The following PDZD2 variants were observed in gnomAD, a reference collection of about 807,000 sequenced individuals.
PDZD2 encodes the protein PDZ domain-containing protein 2.
In PDZD2, 90 loss-of-function variants were observed where a neutral mutation model predicts 220.7. The observed-to-expected ratio is 0.41, with a 90% CI of 0.34 to 0.49. PDZD2 has a LOEUF of 0.49. Among genes scored for constraint, PDZD2 ranks in the 20% least tolerant of loss-of-function variants. The pLI, the probability that PDZD2 is intolerant of heterozygous loss-of-function variation, is 0.28. For synonymous variants in PDZD2, 1,375 were observed against 1,450.5 expected, an observed-to-expected ratio of 0.95 and a Z score of 1.18; for missense variants, 3,174 against 3,608.5, an observed-to-expected ratio of 0.88 and a Z score of 3.08.
At chr5:31,676,639 C>T (rs763656263) in intron 1 of PDZD2, among the ~76,000 whole-genome samples, 8 of 150,996 alleles carry the variant, frequency 5.3e-5, no homozygotes, top group South Asian at 4.2e-4. Context: ...CTGTAACCTC[C>T]GCCTCCTGGG....
rs1561277778 is a variant in PDZD2 at position 31,989,420 on chromosome 5, T to TTTTTTTTTTTTTTTTTTTTTTTTTATTTA, written c.978+5764_978+5765insTTTTTTTTTTTTTTTTTTTTTTTTATTTA. On this transcript the variant is annotated intron_variant, in intron 3 of 24. Transcript: ENST00000438447. ...CTGTGGTATATACCACATTTTCTTT[T>TTTTTTTTTTTTTTTTTTTTTTTTTATTTA]CTTTTTTTTTTTTTTTTTTTGAGAC... 2.7e-4 allele frequency among the ~76,000 whole-genome samples: 37 copies of TTTTTTTTTTTTTTTTTTTTTTTTTATTTA among 136,800 alleles called. 1 individual carries two copies. The highest frequency in any genetic ancestry group is 2.4e-3 in the South Asian group (9 of 3,764). 89.7% of individuals were successfully genotyped at this position (136,800 alleles called of 152,430 possible).
chr5:31,777,325 T>G (rs1182280345), intron 1 of PDZD2, among the ~76,000 whole-genome samples: 1 of 152,188 alleles, frequency 6.6e-6, no homozygotes, highest in African/African-American at 2.4e-5. Context: ...TCGCCAGGCC[T>G]CAGCCGCCTC....
At chr5:32,020,272 G>T (rs1003873317) in intron 6 of PDZD2, among the ~76,000 whole-genome samples, 1 of 151,968 alleles carries the variant, frequency 6.6e-6, no homozygotes, top group African/African-American at 2.4e-5. Flanking sequence ...CAAAGTGCTG[G>T]GATTACAGGC....
Position 31,646,418 on chromosome 5 carries a change from C to T in PDZD2, c.-361+6981C>T, listed in dbSNP as rs1333501673. Among the ~76,000 whole-genome samples the T allele has an allele frequency of 2.0e-5, 3 of 152,142 alleles. No individual in the cohort carries two copies. The highest frequency in any genetic ancestry group is 4.8e-5 in the African/African-American group (2 of 41,436). On this transcript the variant is annotated intron_variant, in intron 1 of 24. Coordinates refer to ENST00000438447, the MANE Select transcript of PDZD2 (RefSeq NM_178140.4). The surrounding 1 kb of genome is among the most constrained non-coding windows in gnomAD (Gnocchi z 4.7). ...CATGAACACTAAGTAGCTCCTGACA[C>T]TGCTTATGTTTGCTTGCAGGTGATC... is the stretch of plus-strand genomic sequence containing the variant.
chr5:31,868,767 G>C (rs996733908), intron 2 of PDZD2, among the ~76,000 whole-genome samples: 6 of 152,048 alleles, frequency 3.9e-5, no homozygotes, highest in Non-Finnish European at 8.8e-5. Context: ...TTGCGTTAAA[G>C]GTGAGTTTTT....
At chr5:32,059,027 G>T (rs999260036) in intron 12 of PDZD2, among the ~76,000 whole-genome samples, 2 of 152,198 alleles carry the variant, frequency 1.3e-5, no homozygotes, top group African/African-American at 4.8e-5. Context: ...AATTCAGTCC[G>T]TAACTAGCTC....
intron 20 of PDZD2, among the ~76,000 whole-genome samples, chr5:32,092,104 T>TTA (rs1743211083): frequency 3.3e-5 from 5 of 151,654 alleles, no homozygotes; most frequent in African/African-American, 7.3e-5. Flanking sequence ...TGAAACCCCA[T>TTA]CTCTACTAAA....
At chr5:31,650,635 C>T (rs796493999) in intron 1 of PDZD2, among the ~76,000 whole-genome samples, 6 of 152,288 alleles carry the variant, frequency 3.9e-5, no homozygotes, top group African/African-American at 1.4e-4. Flanking sequence ...GAGTTTCAGG[C>T]TCAAGACTTT....
At position 31,953,660 on chromosome 5, in the gene PDZD2, A is replaced by AAATT. The variant is rs59213187; in HGVS notation, c.477-29495_477-29494insAATT. ...CAAGACCCTGTCTCTTAAAAAAAAAATTTTTTTTTTTTTTTGAGACAGTCT... is the reference window on the plus strand; with the variant it reads ...CAAGACCCTGTCTCTTAAAAAAAAAAAATTTTTTTTTTTTTTTTTGAGACAGTCT... On this transcript the variant is annotated intron_variant, in intron 2 of 24. Transcript: ENST00000438447. 6.2e-3 allele frequency among the ~76,000 whole-genome samples: 854 copies of AAATT among 138,582 alleles called. 6 individuals carry two copies. Among genetic ancestry groups the AAATT allele is most frequent in the Non-Finnish European group, 8.1e-3 (528 of 64,786 alleles). 90.9% of individuals were successfully genotyped at this position (138,582 alleles called of 152,430 possible).
intron 6 of PDZD2, among the ~76,000 whole-genome samples, chr5:32,027,269 A>G (rs1371571749): frequency 6.6e-6 from 1 of 152,216 alleles, no homozygotes; most frequent in Non-Finnish European, 1.5e-5. Context: ...AACATGACAC[A>G]TACAAACCCA....
intron 2 of PDZD2, chr5:31,822,448 G>GTTT (rs58922873): frequency 4.0e-4 from 133 of 336,224 alleles, no homozygotes; most frequent in African/African-American, 2.4e-3. Flanking sequence ...TTTTTTTATA[G>GTTT]TTTTTTTTTT....
At chr5:31,822,881 G>T in intron 2 of PDZD2, 1 of 802,830 alleles carries the variant, frequency 1.2e-6, no homozygotes, top group Non-Finnish European at 2.1e-6. Flanking sequence ...CGGAAGCCCA[G>T]TGTGACACCC....
intron 5 of PDZD2, among the ~76,000 whole-genome samples, chr5:32,008,016 G>A (rs555510384): frequency 3.3e-5 from 5 of 152,220 alleles, no homozygotes; most frequent in Admixed American, 1.3e-4. Context: ...TGGGCCGGGC[G>A]CGGTCCCTCA....
chr5:31,959,261 A>ATG (rs1748001898), intron 2 of PDZD2, among the ~76,000 whole-genome samples: 1 of 138,522 alleles, frequency 7.2e-6, no homozygotes, highest in African/African-American at 2.5e-5. Flanking sequence ...TTATATATAT[A>ATG]TATAAAATAA....
intron 1 of PDZD2, among the ~76,000 whole-genome samples, chr5:31,769,906 G>GT (rs1404578106): frequency 4.6e-5 from 7 of 152,154 alleles, no homozygotes; most frequent in South Asian, 4.1e-4. Context: ...GTTTTGTTTT[G>GT]TTTTTTTCTT....
At chr5:31,828,350 C>T (rs1022087560) in intron 2 of PDZD2, among the ~76,000 whole-genome samples, 1 of 152,224 alleles carries the variant, frequency 6.6e-6, no homozygotes, top group Non-Finnish European at 1.5e-5. Flanking sequence ...CACTTGTGAC[C>T]TGTCTTTATG....
rs70957998 is a variant in PDZD2, at chr5:32,025,591, C to CTTTTTTTTTTTTTTTTTTTTTTT, written c.1408-11634_1408-11612dup. 6.5e-4 allele frequency among the ~76,000 whole-genome samples: 44 copies of CTTTTTTTTTTTTTTTTTTTTTTT among 67,522 alleles called. 5 individuals are homozygous for CTTTTTTTTTTTTTTTTTTTTTTT. The highest frequency in any genetic ancestry group is 8.5e-4 in the African/African-American group (13 of 15,244). 44.3% of individuals were successfully genotyped at this position (67,522 alleles called of 152,430 possible). A position where few individuals can be genotyped will look rare whatever the true frequency, so the allele number is the denominator to read the frequency against. On this transcript the variant is annotated intron_variant, in intron 6 of 24. Coordinates refer to ENST00000438447, the MANE Select transcript of PDZD2 (RefSeq NM_178140.4). The stretch of plus-strand genomic sequence containing the variant: ...AGTGAGCCCAAATGTAACCATGATG[C>CTTTTTTTTTTTTTTTTTTTTTTT]TTTTTTTTTTTTTTTTTTTTTTTTT...
chr5:31,810,738 C>A (rs1028541550), intron 2 of PDZD2, among the ~76,000 whole-genome samples: 28 of 152,228 alleles, frequency 1.8e-4, no homozygotes, highest in Admixed American at 1.7e-3. Flanking sequence ...AACAGACTTG[C>A]ACTTGCATCT....
chr5:31,980,806 T>C (rs1242398173), intron 2 of PDZD2, among the ~76,000 whole-genome samples: 1 of 152,096 alleles, frequency 6.6e-6, no homozygotes, highest in Non-Finnish European at 1.5e-5. Flanking sequence ...TTGTTTGAGA[T>C]GGAGTCTTGC....
Sources: gnomAD v4.1 joint callset for allele counts (sites outside exome capture counted in the v4.1 genomes callset) on GRCh38, gnomAD v4.1.1 for gene constraint, Gnocchi (gnomAD v3.1) non-coding constraint, MANE v1.5 for transcripts, NCBI Gene and HGNC (gene_info 2026-07-23, HGNC 2026-07-21) for gene names.